DCDC2: variants seen among roughly 807,000 people sequenced by gnomAD.
DCDC2 encodes doublecortin domain containing 2.
In DCDC2, 40 loss-of-function variants were observed where a neutral mutation model predicts 50.2. The ratio of observed to expected loss-of-function variants is 0.80; its 90% CI spans 0.62 to 1.04. The LOEUF (loss-of-function observed/expected upper bound fraction) is 1.04. Among genes scored for constraint, DCDC2 ranks in the 50% least tolerant of loss-of-function variants. DCDC2 has a pLI of 0.00. For synonymous variants in DCDC2, 234 were observed against 210.6 expected (o/e 1.11, Z -0.96); for missense variants, 570 against 581.9 (o/e 0.98, Z 0.21).
chr6:24,340,721 TA>T (rs914475585), intron 2 of DCDC2, among the ~76,000 whole-genome samples: 343 of 150,844 alleles, frequency 2.3e-3, no homozygotes, highest in African/African-American at 7.6e-3. Flanking sequence ...ACTTATTTTC[TA>T]AAAAAAAAAT....
chr6:24,290,741 T>C (rs1763725634), intron 5 of DCDC2, among the ~76,000 whole-genome samples, 191 bp downstream of exon 5: 1 of 152,206 alleles, frequency 6.6e-6, no homozygotes, highest in African/African-American at 2.4e-5. Flanking sequence ...AGAAATTATA[T>C]TTTTGTTCAA....
rs1465067061 is a variant in DCDC2, at chr6:24,171,777, T to C, written c.*2953A>G. On this transcript the variant is annotated 3_prime_UTR_variant, in exon 10 of 10. Transcript: ENST00000378454. ...AAATGACTTTTGTCAAAATCTTCTT[T>C]ATTTGCTCTGTAAAACTCTTAATGC... 6.6e-6 allele frequency: 1 copy of C among 152,226 alleles called. No individual in the cohort carries two copies. Among genetic ancestry groups the C allele is most frequent in the African/African-American group, 2.4e-5 (1 of 41,462 alleles). The allele number at this position is 152,226 out of a possible 1,614,324, so 9.4% of individuals were successfully genotyped here.
intron 7 of DCDC2, among the ~76,000 whole-genome samples, chr6:24,248,519 G>A (rs1031852391): frequency 6.6e-6 from 1 of 152,188 alleles, no homozygotes; most frequent in Non-Finnish European, 1.5e-5. Flanking sequence ...GGTAGTATTA[G>A]TATTAGTATC....
chr6:24,289,397 G>T (rs376347758), intron 5 of DCDC2, among the ~76,000 whole-genome samples: 81 of 152,258 alleles, frequency 5.3e-4, no homozygotes, highest in South Asian at 4.4e-3. Flanking sequence ...ATTATTTTAG[G>T]CTGTAAGAAT....
At chr6:24,194,098 T>C (rs905598863) in intron 8 of DCDC2, among the ~76,000 whole-genome samples, 1 of 152,012 alleles carries the variant, frequency 6.6e-6, no homozygotes, top group Non-Finnish European at 1.5e-5. Context: ...GAGAGGGGAT[T>C]AGGAATATAG....
chr6:24,195,335 C>A (rs1357571583), intron 8 of DCDC2, among the ~76,000 whole-genome samples: 1 of 152,140 alleles, frequency 6.6e-6, no homozygotes, highest in East Asian at 1.9e-4. Context: ...AGGAGAAGAA[C>A]CTCAAGCTTA....
chr6:24,311,396 A>C (rs763881070), intron 2 of DCDC2, among the ~76,000 whole-genome samples: 5 of 152,198 alleles, frequency 3.3e-5, no homozygotes, highest in Non-Finnish European at 5.9e-5. Flanking sequence ...ATCTATAACC[A>C]AAAAACCTAT....
At chr6:24,248,894 TA>T (rs1411357095) in intron 7 of DCDC2, among the ~76,000 whole-genome samples, 1 of 152,208 alleles carries the variant, frequency 6.6e-6, no homozygotes, top group East Asian at 1.9e-4. Flanking sequence ...TTATGCCAAT[TA>T]ACCTAATGCC....
chr6:24,351,449 A>G (rs1490690767), intron 2 of DCDC2, among the ~76,000 whole-genome samples: 1 of 152,158 alleles, frequency 6.6e-6, no homozygotes, highest in Non-Finnish European at 1.5e-5. Flanking sequence ...CAGTTTCTGA[A>G]CACCTTTTCC....
intron 7 of DCDC2, among the ~76,000 whole-genome samples, chr6:24,246,479 C>CTTTTTTTTTTTTTTTTTTTT (rs4052666): frequency 1.4e-5 from 1 of 70,782 alleles, no homozygotes; most frequent in Admixed American, 2.5e-4. Flanking sequence ...TTTTCTTTTT[C>CTTTTTTTTTTTTTTTTTTTT]TTTTTTTTTT....
At chr6:24,232,363 C>T (rs1199098686) in intron 7 of DCDC2, among the ~76,000 whole-genome samples, 3 of 152,186 alleles carry the variant, frequency 2.0e-5, no homozygotes, top group Non-Finnish European at 2.9e-5. Context: ...TAAATGAGCA[C>T]ACTGCTGTCA....
intron 2 of DCDC2, among the ~76,000 whole-genome samples, chr6:24,351,837 G>A (rs1022422592): frequency 2.6e-5 from 4 of 152,228 alleles, no homozygotes; most frequent in African/African-American, 9.6e-5. Flanking sequence ...CGGGCTTGGT[G>A]GCTCATGCCA....
the DCDC2 span, among the ~76,000 whole-genome samples, chr6:24,375,919 G>T: frequency 1.3e-5 from 2 of 152,136 alleles, no homozygotes; most frequent in Non-Finnish European, 2.9e-5. Flanking sequence ...CCTAGCTGGA[G>T]TCTCAGCTGT....
chr6:24,198,070 A>T (rs1225117507), intron 8 of DCDC2, among the ~76,000 whole-genome samples: 1 of 152,238 alleles, frequency 6.6e-6, no homozygotes, highest in Non-Finnish European at 1.5e-5. Flanking sequence ...CTGGCCTAAG[A>T]AAGAAAATCA....
intron 5 of DCDC2, among the ~76,000 whole-genome samples, chr6:24,290,478 T>A (rs920423629): frequency 6.6e-6 from 1 of 152,230 alleles, no homozygotes; most frequent in Non-Finnish European, 1.5e-5. Flanking sequence ...GGGATTATGT[T>A]GTTTTTATAT....
At chr6:24,256,605 T>C (rs1365754971) in intron 7 of DCDC2, among the ~76,000 whole-genome samples, 1 of 152,092 alleles carries the variant, frequency 6.6e-6, no homozygotes, top group Non-Finnish European at 1.5e-5. Flanking sequence ...ATGAAAAAAA[T>C]AAACATGTAA....
At chr6:24,251,468 C>T (rs542891154) in intron 7 of DCDC2, among the ~76,000 whole-genome samples, 1 of 152,180 alleles carries the variant, frequency 6.6e-6, no homozygotes, top group Non-Finnish European at 1.5e-5. Context: ...TAATTCCTCA[C>T]AAACCTCCTG....
the DCDC2 span, among the ~76,000 whole-genome samples, chr6:24,380,633 T>A: frequency 6.6e-6 from 1 of 152,344 alleles, no homozygotes; most frequent in East Asian, 1.9e-4. Flanking sequence ...CATAGATTTG[T>A]TCTTATACAT....
intron 7 of DCDC2, among the ~76,000 whole-genome samples, chr6:24,253,300 C>T (rs939430322): frequency 6.6e-6 from 1 of 152,016 alleles, no homozygotes; most frequent in African/African-American, 2.4e-5. Context: ...AAAAATAGTA[C>T]ATTATTATAG....
Sources: gnomAD v4.1 joint callset for allele counts (sites outside exome capture counted in the v4.1 genomes callset) on GRCh38, gnomAD v4.1.1 for gene constraint, MANE v1.5 for transcripts, NCBI Gene and HGNC (gene_info 2026-07-23, HGNC 2026-07-21) for gene names.